MAP2: variants seen among roughly 807,000 people sequenced by gnomAD.
MAP2 encodes microtubule associated protein 2.
A neutral mutation model predicts 137.6 loss-of-function variants in MAP2; 14 were observed. The ratio of observed to expected loss-of-function variants is 0.10; its 90% CI spans 0.07 to 0.16. MAP2 has a LOEUF of 0.16. Among genes scored for constraint, MAP2 ranks in the 10% least tolerant of loss-of-function variants. The pLI is 1.00. For synonymous variants in MAP2, 786 were observed against 782.3 expected (o/e 1.00, Z -0.08); for missense variants, 2,088 against 2,191.5 (o/e 0.95, Z 0.94).
intron 2 of MAP2, among the ~76,000 whole-genome samples, chr2:209,568,864 A>G (rs924177062): frequency 6.6e-6 from 1 of 151,804 alleles, no homozygotes; most frequent in Non-Finnish European, 1.5e-5. Context: ...TTTATTTAGT[A>G]AAAAATCTTC....
intron 7 of MAP2, 122 bp downstream of exon 7, chr2:209,680,949 T>G: frequency 3.4e-6 from 2 of 584,016 alleles, no homozygotes; most frequent in Non-Finnish European, 5.9e-6. Flanking sequence ...GCTATCTGTT[T>G]CAAATAATGA....
chr2:209,615,512 A>G (rs929550374), intron 3 of MAP2, among the ~76,000 whole-genome samples: 6 of 152,238 alleles, frequency 3.9e-5, no homozygotes, highest in Non-Finnish European at 7.3e-5. Flanking sequence ...AATATCATTT[A>G]AAGACTGATA....
chr2:209,698,302 T>G (rs2060819006), intron 10 of MAP2, among the ~76,000 whole-genome samples: 1 of 152,206 alleles, frequency 6.6e-6, no homozygotes, highest in Non-Finnish European at 1.5e-5. Flanking sequence ...GCAAAGTATT[T>G]ATTTTATATG....
intron 13 of MAP2, among the ~76,000 whole-genome samples, chr2:209,717,055 AGGGT>A (rs2067972733): frequency 6.6e-6 from 1 of 152,194 alleles, no homozygotes; most frequent in South Asian, 2.1e-4. Context: ...AGTGAAATGT[AGGGT>A]GGAATCTTTT....
At chr2:209,548,169 A>G (rs1377862837) in intron 2 of MAP2, among the ~76,000 whole-genome samples, 1 of 152,238 alleles carries the variant, frequency 6.6e-6, no homozygotes, top group Non-Finnish European at 1.5e-5. Flanking sequence ...TCCAAGCATC[A>G]GTAGGAAGAT....
intron 5 of MAP2, among the ~76,000 whole-genome samples, chr2:209,670,554 C>T (rs188958499): frequency 1.3e-5 from 2 of 151,910 alleles, no homozygotes; most frequent in Admixed American, 6.6e-5. Flanking sequence ...CTACATTTTC[C>T]TCCTTGACCA....
intron 2 of MAP2, among the ~76,000 whole-genome samples, chr2:209,527,059 G>A (rs2064174311): frequency 6.6e-6 from 1 of 152,014 alleles, no homozygotes; most frequent in Non-Finnish European, 1.5e-5. Context: ...TCACTATCTG[G>A]AGCTCTTTAT....
At chr2:209,515,325 A>G (rs288051) in intron 2 of MAP2, among the ~76,000 whole-genome samples, 3,706 of 152,206 alleles carry the variant, frequency 0.024, 148 homozygotes, top group African/African-American at 0.085. Context: ...TTGAATATTA[A>G]TAAGTGTATT....
chr2:209,476,113 A>G (rs1398209362), intron 1 of MAP2, among the ~76,000 whole-genome samples: 1 of 152,192 alleles, frequency 6.6e-6, no homozygotes, highest in African/African-American at 2.4e-5. Context: ...AGGTGCATCT[A>G]GAATAAACAT....
Position 209,700,287 on chromosome 2 carries a change from G to A in MAP2, c.4533G>A (p.Gly1511=), listed in dbSNP as rs2061435746. Residue 1511 remains glycine (G), a synonymous_variant, in exon 11 of 16, where the codon GGG becomes GGA. Coordinates refer to ENST00000682079, the MANE Select transcript of MAP2 (RefSeq NM_001375505.1). The stretch of plus-strand genomic sequence containing the variant: ...TTTTATTTTCAACAGCAGCAGGTGG[G>A]GAATCAGCTCTGGCTCCCAGTGTAT... The part of the protein sequence containing the change: ...CVKRKTTAAG[G]ESALAPSVFK... The A allele has an allele frequency of 6.2e-7, 1 of 1,613,120 alleles. No homozygotes were observed. The highest frequency in any genetic ancestry group is 1.7e-5 in the Admixed American group (1 of 59,928).
At chr2:209,597,156 C>T (rs1448172671) in intron 3 of MAP2, among the ~76,000 whole-genome samples, 3 of 152,162 alleles carry the variant, frequency 2.0e-5, no homozygotes, top group Non-Finnish European at 4.4e-5. Flanking sequence ...GTGACTGGAG[C>T]TTCAGCAGCC....
intron 1 of MAP2, among the ~76,000 whole-genome samples, chr2:209,501,019 T>C (rs1038759469): frequency 3.5e-5 from 4 of 113,326 alleles, no homozygotes; most frequent in African/African-American, 1.3e-4. Context: ...GCCGGGACAA[T>C]AGAGTGAGAC....
intron 2 of MAP2, among the ~76,000 whole-genome samples, chr2:209,538,504 C>T (rs2066343026): frequency 6.8e-6 from 1 of 148,016 alleles, no homozygotes; most frequent in Admixed American, 6.7e-5. Flanking sequence ...CTCAAGAAAT[C>T]AGCAGGTCAG....
intron 1 of MAP2, among the ~76,000 whole-genome samples, chr2:209,448,591 T>C (rs1346105610): frequency 1.3e-5 from 2 of 152,184 alleles, no homozygotes; most frequent in Non-Finnish European, 2.9e-5. Flanking sequence ...GTGGTCCCTA[T>C]AGAGGTTCCA....
At chr2:209,558,450 G>T (rs2071195732) in intron 2 of MAP2, among the ~76,000 whole-genome samples, 2 of 151,834 alleles carry the variant, frequency 1.3e-5, no homozygotes, top group Admixed American at 1.3e-4. Flanking sequence ...CAGCCTCCCA[G>T]CGTGCTGGGA....
chr2:209,619,941 A>T (rs1170373493), intron 3 of MAP2, among the ~76,000 whole-genome samples: 1 of 152,116 alleles, frequency 6.6e-6, no homozygotes, highest in East Asian at 1.9e-4. Context: ...CTTCCTCATT[A>T]AGGCATTTAA....
chr2:209,510,626 T>A (rs931534315), intron 2 of MAP2, among the ~76,000 whole-genome samples: 4 of 152,204 alleles, frequency 2.6e-5, no homozygotes, highest in African/African-American at 9.6e-5. Flanking sequence ...TTTTAAAAAT[T>A]TCTCTCAGTT....
In MAP2 at chr2:209,695,299, G is replaced by C; in HGVS notation, c.3129G>C (p.Gln1043His). The C allele has an allele frequency of 6.2e-7, 1 of 1,613,994 alleles. No homozygotes were observed. The highest frequency in any genetic ancestry group is 8.5e-7 in the Non-Finnish European group (1 of 1,179,990). ...AACAAGGTCTGGATTTTGCTGTCCA[G>C]GGTCAACTAGATGTTAAAATTAGTG... ...KVEQGLDFAV[Q>H]GQLDVKISDF... The change falls in exon 8 of 16, where the codon CAG (glutamine) becomes CAC (histidine). Residue 1043 changes from glutamine to histidine, a missense_variant. Transcript: ENST00000682079.
chr2:209,552,633 C>T (rs193143857), intron 2 of MAP2, among the ~76,000 whole-genome samples: 2,998 of 152,050 alleles, frequency 0.02, 93 homozygotes, highest in African/African-American at 0.068. Flanking sequence ...GAGGCCGAGG[C>T]GGGTGGATCA....
Sources: gnomAD v4.1 joint callset for allele counts (sites outside exome capture counted in the v4.1 genomes callset) on GRCh38, gnomAD v4.1.1 for gene constraint, MANE v1.5 for transcripts, NCBI Gene and HGNC (gene_info 2026-07-23, HGNC 2026-07-21) for gene names.